The following ATOSA variants were observed in gnomAD, a reference collection of about 807,000 sequenced individuals.
ATOSA encodes atos homolog A.
the ATOSA span, among the ~76,000 whole-genome samples, chr15:52,662,566 CG>C: frequency 3.3e-5 from 5 of 151,986 alleles, no homozygotes; most frequent in East Asian, 3.9e-4. Flanking sequence ...GTCAGGAGAT[CG>C]AGACCATCCT....
At chr15:52,666,864 A>C in the ATOSA span, among the ~76,000 whole-genome samples, 1 of 152,122 alleles carries the variant, frequency 6.6e-6, no homozygotes, top group Non-Finnish European at 1.5e-5. Context: ...GACTATGAAG[A>C]GAGTAACGCA....
the ATOSA span, among the ~76,000 whole-genome samples, chr15:52,615,039 G>C: frequency 6.6e-6 from 1 of 152,026 alleles, no homozygotes; most frequent in Non-Finnish European, 1.5e-5. Flanking sequence ...CCCTTTACTA[G>C]TTCCTTAGTC....
chr15:52,592,188 A>G, the ATOSA span, among the ~76,000 whole-genome samples: 1 of 152,176 alleles, frequency 6.6e-6, no homozygotes, highest in Non-Finnish European at 1.5e-5. Flanking sequence ...AATGTCCTTG[A>G]AAACCTAGAA....
At chr15:52,663,644 C>T in the ATOSA span, among the ~76,000 whole-genome samples, 1 of 152,116 alleles carries the variant, frequency 6.6e-6, no homozygotes, top group African/African-American at 2.4e-5. Context: ...TTTTCTGAGA[C>T]AAGGTTACAC....
the ATOSA span, among the ~76,000 whole-genome samples, chr15:52,675,282 T>G: frequency 6.6e-6 from 1 of 152,150 alleles, no homozygotes; most frequent in Non-Finnish European, 1.5e-5. Context: ...CTTCAGATAA[T>G]TTTTTTCTAT....
At chr15:52,582,060 C>T in the ATOSA span, 2 of 1,029,208 alleles carry the variant, frequency 1.9e-6, no homozygotes, top group East Asian at 6.0e-5. Flanking sequence ...AGAGAATCCA[C>T]TCTCCTGATT....
the ATOSA span, among the ~76,000 whole-genome samples, chr15:52,685,414 G>A: frequency 1.8e-3 from 30 of 17,014 alleles, no homozygotes; most frequent in Admixed American, 0.021. Context: ...AGATTCAGTA[G>A]AGTTTTTTTT....
chr15:52,633,652 C>G, the ATOSA span, among the ~76,000 whole-genome samples: 1 of 151,960 alleles, frequency 6.6e-6, no homozygotes, highest in Non-Finnish European at 1.5e-5. Flanking sequence ...TTTAAAAAAC[C>G]AAAGCAGAAT....
chr15:52,658,670 A>G, the ATOSA span: 1 of 398,054 alleles, frequency 2.5e-6, no homozygotes, highest in African/African-American at 2.1e-5. Flanking sequence ...CCACAAACAG[A>G]AAGGGATAGT....
the ATOSA span, among the ~76,000 whole-genome samples, chr15:52,628,777 A>C: frequency 6.6e-6 from 1 of 152,328 alleles, no homozygotes; most frequent in South Asian, 2.1e-4. Flanking sequence ...TTTTAACTGA[A>C]GTGCCATGAA....
chr15:52,600,295 T>G, the ATOSA span: 1 of 1,056,646 alleles, frequency 9.5e-7, no homozygotes. Context: ...TTTTTTAATC[T>G]TGAGACAGGG....
At chr15:52,606,678 G>C in the ATOSA span, among the ~76,000 whole-genome samples, 2 of 152,094 alleles carry the variant, frequency 1.3e-5, no homozygotes, top group African/African-American at 4.8e-5. Context: ...CATAAGAACC[G>C]AACATTCTTA....
chr15:52,631,979 G>A, the ATOSA span, among the ~76,000 whole-genome samples: 1 of 152,086 alleles, frequency 6.6e-6, no homozygotes, highest in Non-Finnish European at 1.5e-5. Flanking sequence ...GGCCTCAAGC[G>A]ATCCTCCAGC....
At chr15:52,690,064 AAGTT>A in the ATOSA span, among the ~76,000 whole-genome samples, 2 of 152,222 alleles carry the variant, frequency 1.3e-5, no homozygotes, top group Non-Finnish European at 2.9e-5. Context: ...TCCAATAAAC[AAGTT>A]TGTAACAAAG....
the ATOSA span, among the ~76,000 whole-genome samples, chr15:52,608,056 T>G: frequency 6.6e-6 from 1 of 152,096 alleles, no homozygotes; most frequent in Non-Finnish European, 1.5e-5. Context: ...AATTTTTATT[T>G]ATTTATTTTT....
At chr15:52,587,130 T>C in the ATOSA span, 5 of 1,612,316 alleles carry the variant, frequency 3.1e-6, no homozygotes, top group Non-Finnish European at 3.4e-6. Flanking sequence ...TTATTGCAAT[T>C]GTAGGCTATA....
At chr15:52,658,801 C>CAAAAAAAAAAAAAAAAAAAA in the ATOSA span, 2 of 223,960 alleles carry the variant, frequency 8.9e-6, no homozygotes, top group Non-Finnish European at 7.1e-6. Context: ...CTCGTTTCTA[C>CAAAAAAAAAAAAAAAAAAAA]AAAAAAAAAA....
chr15:52,655,956 T>C, the ATOSA span: 2 of 152,096 alleles, frequency 1.3e-5, no homozygotes, highest in African/African-American at 4.8e-5. Flanking sequence ...AATTTGAAGT[T>C]TCCTCTTTCC....
the ATOSA span, chr15:52,582,391 G>T: frequency 1.7e-6 from 2 of 1,200,916 alleles, no homozygotes; most frequent in South Asian, 1.6e-5. Context: ...AAAGTAGGAA[G>T]AACAAATCTT....
Sources: gnomAD v4.1 joint callset for allele counts (sites outside exome capture counted in the v4.1 genomes callset) on GRCh38, gnomAD v4.1.1 for gene constraint, MANE v1.5 for transcripts, NCBI Gene and HGNC (gene_info 2026-07-23, HGNC 2026-07-21) for gene names.